SCFD2: variants seen among roughly 807,000 people sequenced by gnomAD.
The protein encoded by SCFD2 is sec1 family domain containing 2, also known as sec1 family domain-containing protein 2.
Under a neutral mutation model 58.9 loss-of-function variants are expected in SCFD2, and 54 were observed. That is an observed-to-expected ratio of 0.92 (90% CI 0.74 to 1.15). The LOEUF (loss-of-function observed/expected upper bound fraction) is 1.15, where lower values mean the gene tolerates loss of function less well. Among genes scored for constraint, SCFD2 ranks in the 50% most tolerant of loss-of-function variants. The pLI, the probability that SCFD2 is intolerant of heterozygous loss-of-function variation, is 0.00. For synonymous variants in SCFD2, 321 were observed against 335.9 expected (o/e 0.96, Z 0.49); for missense variants, 805 against 836.6 (o/e 0.96, Z 0.47).
intron 6 of SCFD2, among the ~76,000 whole-genome samples, chr4:52,908,317 G>C (rs1419896710): frequency 6.6e-6 from 1 of 152,190 alleles, no homozygotes; most frequent in Non-Finnish European, 1.5e-5. Context: ...TATTGACCCT[G>C]CGCTTTCTGA....
intron 5 of SCFD2, among the ~76,000 whole-genome samples, chr4:53,012,266 C>T (rs757093347): frequency 3.2e-4 from 49 of 151,912 alleles, no homozygotes; most frequent in Non-Finnish European, 6.3e-4. Context: ...TTTAGCCCTA[C>T]GAATTGCATG....
chr4:53,155,852 C>G (rs751928913), intron 4 of SCFD2, among the ~76,000 whole-genome samples: 3 of 152,198 alleles, frequency 2.0e-5, no homozygotes, highest in Non-Finnish European at 4.4e-5. Flanking sequence ...GAGATTCTGT[C>G]AAGAGGTCCA....
chr4:52,972,181 G>A (rs944010074), intron 5 of SCFD2, among the ~76,000 whole-genome samples: 3 of 152,148 alleles, frequency 2.0e-5, no homozygotes, highest in African/African-American at 7.2e-5. Flanking sequence ...AACCTTAAAT[G>A]CAAATGGGCT....
chr4:53,129,876 C>T (rs762145138), intron 5 of SCFD2, among the ~76,000 whole-genome samples: 9 of 152,184 alleles, frequency 5.9e-5, no homozygotes, highest in Non-Finnish European at 8.8e-5. Context: ...CAAAACCCCA[C>T]CTGATACCTT....
At chr4:53,330,050 G>T (rs1406124533) in intron 2 of SCFD2, among the ~76,000 whole-genome samples, 4 of 151,492 alleles carry the variant, frequency 2.6e-5, no homozygotes, top group Non-Finnish European at 5.9e-5. Context: ...AGAGAAAAAA[G>T]AATAAAAAGA....
chr4:52,880,033 C>G (rs1718570835), intron 8 of SCFD2, among the ~76,000 whole-genome samples: 1 of 152,124 alleles, frequency 6.6e-6, no homozygotes, highest in African/African-American at 2.4e-5. Context: ...TGTGTTAAAC[C>G]CAGAAGGTTT....
chr4:53,144,869 G>A (rs887449833), intron 5 of SCFD2, among the ~76,000 whole-genome samples: 1 of 152,100 alleles, frequency 6.6e-6, no homozygotes, highest in African/African-American at 2.4e-5. Context: ...GCCAGGGGTC[G>A]CCAACCCTGG....
chr4:53,181,291 A>T (rs1164529416), intron 4 of SCFD2, among the ~76,000 whole-genome samples: 1 of 152,216 alleles, frequency 6.6e-6, no homozygotes, highest in Non-Finnish European at 1.5e-5. Context: ...GCAGCACATC[A>T]AAAAGCTTAT....
intron 7 of SCFD2, among the ~76,000 whole-genome samples, chr4:52,904,292 A>G (rs926688004): frequency 6.6e-6 from 1 of 152,186 alleles, no homozygotes; most frequent in Non-Finnish European, 1.5e-5. Context: ...AGGATTCCGC[A>G]TTGATAACTT....
rs528181752 is a variant in SCFD2, at chr4:53,165,910, A to T, written c.1312-20328T>A. On this transcript the variant is annotated intron_variant, in intron 4 of 8. Coordinates refer to ENST00000401642, the MANE Select transcript of SCFD2 (RefSeq NM_152540.4). ...TCTCTTCTCAGATGTAGTTTTTTAAATTGTTGCAGTAAAATATACATAACA... is the reference window on the plus strand; with the variant it reads ...TCTCTTCTCAGATGTAGTTTTTTAATTTGTTGCAGTAAAATATACATAACA... 4.6e-5 allele frequency among the ~76,000 whole-genome samples: 7 copies of T among 152,330 alleles called. No homozygotes were observed. In the South Asian group the frequency reaches 8.3e-4, roughly 18 times the overall value.
At chr4:52,983,952 A>T (rs1721433062) in intron 5 of SCFD2, among the ~76,000 whole-genome samples, 1 of 152,212 alleles carries the variant, frequency 6.6e-6, no homozygotes, top group Non-Finnish European at 1.5e-5. Flanking sequence ...TTTGCCAAAC[A>T]TTTCTTTTCT....
intron 7 of SCFD2, among the ~76,000 whole-genome samples, chr4:52,904,391 G>A (rs1042080042): frequency 6.6e-6 from 1 of 152,216 alleles, no homozygotes; most frequent in South Asian, 2.1e-4. Flanking sequence ...GATTCCAGAG[G>A]AACAGAGCAG....
intron 4 of SCFD2, among the ~76,000 whole-genome samples, chr4:53,183,461 C>A (rs1727644330): frequency 6.6e-6 from 1 of 151,916 alleles, no homozygotes; most frequent in East Asian, 1.9e-4. Flanking sequence ...AATGAGAACA[C>A]ATGGACACAG....
intron 4 of SCFD2, among the ~76,000 whole-genome samples, chr4:53,262,585 C>T (rs1307983678): frequency 6.6e-6 from 1 of 152,204 alleles, no homozygotes; most frequent in Non-Finnish European, 1.5e-5. Context: ...GGACCCCAAT[C>T]CCTTCTAGCT....
intron 4 of SCFD2, among the ~76,000 whole-genome samples, chr4:53,156,502 C>T (rs1726692026): frequency 6.6e-6 from 1 of 151,762 alleles, no homozygotes; most frequent in Non-Finnish European, 1.5e-5. Context: ...TCAAGACCAT[C>T]CTGACTAACA....
intron 5 of SCFD2, chr4:52,956,476 C>T (rs1042985975): frequency 7.9e-5 from 27 of 343,576 alleles, no homozygotes; most frequent in African/African-American, 4.9e-4. Flanking sequence ...GACAGTGCAA[C>T]GAGGACTTGG....
At chr4:53,099,433 G>T (rs1187297268) in intron 5 of SCFD2, among the ~76,000 whole-genome samples, 1 of 152,134 alleles carries the variant, frequency 6.6e-6, no homozygotes, top group Admixed American at 6.6e-5. Flanking sequence ...AGCCTACTTT[G>T]TGTTGCTATG....
chr4:53,232,447 C>CA (rs1354903462), intron 4 of SCFD2, among the ~76,000 whole-genome samples: 2 of 151,702 alleles, frequency 1.3e-5, no homozygotes, highest in East Asian at 3.9e-4. Context: ...AATCAGGAGA[C>CA]AAAAAAACAA....
At chr4:52,965,127 G>A (rs1577864688) in intron 5 of SCFD2, among the ~76,000 whole-genome samples, 1 of 152,072 alleles carries the variant, frequency 6.6e-6, no homozygotes, top group South Asian at 2.1e-4. Flanking sequence ...ATAGGTGGAG[G>A]CCAGGCTGGA....
Sources: allele counts gnomAD v4.1 joint callset (sites outside exome capture counted in the v4.1 genomes callset), GRCh38; gene constraint gnomAD v4.1.1; transcripts MANE v1.5; gene names NCBI Gene and HGNC (gene_info 2026-07-23, HGNC 2026-07-21).